NEURL1: variants seen among roughly 807,000 people sequenced by gnomAD.
The protein encoded by NEURL1 is E3 ubiquitin-protein ligase NEURL1.
NEURL1 carries 26 observed loss-of-function variants against 41.2 expected under a neutral mutation model. The ratio of observed to expected loss-of-function variants is 0.63; its 90% CI spans 0.46 to 0.87. The LOEUF is 0.87. Among genes scored for constraint, NEURL1 ranks in the 40% least tolerant of loss-of-function variants. The pLI is 0.00. For synonymous variants in NEURL1, 400 were observed against 402.3 expected (o/e 0.99, Z 0.07); for missense variants, 761 against 871.1 (o/e 0.87, Z 1.59).
intron 1 of NEURL1, among the ~76,000 whole-genome samples, chr10:103,552,190 C>G (rs1400104031): frequency 1.3e-5 from 2 of 152,102 alleles, no homozygotes; most frequent in Non-Finnish European, 2.9e-5. Flanking sequence ...CCTCCCTCAC[C>G]CTTCACAACC....
chr10:103,560,971 G>GA (rs2133872507), intron 1 of NEURL1, among the ~76,000 whole-genome samples: 1 of 152,342 alleles, frequency 6.6e-6, no homozygotes, highest in South Asian at 2.1e-4. Flanking sequence ...TGTGGCTCAG[G>GA]AATCTCTGCA....
At chr10:103,527,102 A>G (rs920184975) in intron 1 of NEURL1, among the ~76,000 whole-genome samples, 8 of 152,102 alleles carry the variant, frequency 5.3e-5, no homozygotes, top group Non-Finnish European at 7.3e-5. Context: ...AGGGGCAGAC[A>G]ATGCCTGGAA....
chr10:103,584,825 G>A lies in NEURL1; in HGVS notation c.939G>A (p.Val313=), dbSNP rs766178822. ...AHVRILDEQT[V]ARVEHGRDER... is the part of the protein sequence containing the mutation. Reference sequence around the variant, plus strand: ...TCCGCATCCTCGACGAGCAGACGGTGGCGCGCGTGGAGCACGGGCGCGACG... The same window carrying A: ...TCCGCATCCTCGACGAGCAGACGGTAGCGCGCGTGGAGCACGGGCGCGACG... The change falls in exon 4 of 6, where the codon GTG becomes GTA. Residue 313 remains valine, a synonymous_variant. Coordinates refer to ENST00000369780, the MANE Select transcript of NEURL1 (RefSeq NM_004210.5). 7.1e-7 allele frequency: 1 copy of A among 1,415,722 alleles called. No homozygotes were observed. Among genetic ancestry groups the A allele is most frequent in the Non-Finnish European group, 9.2e-7 (1 of 1,092,586 alleles). 87.7% of individuals were successfully genotyped at this position (1,415,722 alleles called of 1,614,324 possible).
chr10:103,503,959 TTTTATTTATTTATTTATTTA>T (rs56135179), intron 1 of NEURL1, among the ~76,000 whole-genome samples: 16 of 136,042 alleles, frequency 1.2e-4, no homozygotes, highest in Admixed American at 3.7e-4. Flanking sequence ...CTGGCTAGTA[TTTTATTTATTTATTTATTTA>T]TTTATTTATT....
At chr10:103,501,497 A>C (rs1025799248) in intron 1 of NEURL1, among the ~76,000 whole-genome samples, 2 of 152,130 alleles carry the variant, frequency 1.3e-5, no homozygotes, top group Non-Finnish European at 2.9e-5. Flanking sequence ...GGAAAAAAAA[A>C]CAACAAAAAC....
intron 1 of NEURL1, among the ~76,000 whole-genome samples, chr10:103,549,524 C>G (rs2034991494): frequency 6.6e-6 from 1 of 152,212 alleles, no homozygotes; most frequent in Non-Finnish European, 1.5e-5. Flanking sequence ...GCTGGGGTTC[C>G]CTGCTTCCTA....
chr10:103,530,603 C>T (rs554194264), intron 1 of NEURL1, among the ~76,000 whole-genome samples: 19 of 151,030 alleles, frequency 1.3e-4, no homozygotes, highest in Middle Eastern at 6.8e-3. Context: ...TGCAGTGGCA[C>T]GATTTGGGCT....
intron 1 of NEURL1, among the ~76,000 whole-genome samples, chr10:103,501,015 G>T (rs535588655): frequency 3.3e-5 from 5 of 152,290 alleles, no homozygotes; most frequent in African/African-American, 1.2e-4. Flanking sequence ...CTAGAAAGGT[G>T]TCTTGGTGAG....
chr10:103,571,437 G>A, intron 2 of NEURL1, 64 bp from the exon 3 acceptor site: 1 of 1,495,396 alleles, frequency 6.7e-7, no homozygotes, highest in Non-Finnish European at 9.0e-7. Context: ...ACCGCAGGGA[G>A]GCTGCCCTTG....
chr10:103,555,984 G>GTGCACCTGTGCCGGCTTGTGCCTAA (rs1214497896), intron 1 of NEURL1, among the ~76,000 whole-genome samples: 3 of 152,246 alleles, frequency 2.0e-5, no homozygotes, highest in Non-Finnish European at 4.4e-5. Flanking sequence ...GCCCGTGGGT[G>GTGCACCTGTGCCGGCTTGTGCCTAA]TGCACCTGTG....
At chr10:103,547,250 G>A (rs997607839) in intron 1 of NEURL1, among the ~76,000 whole-genome samples, 7 of 152,248 alleles carry the variant, frequency 4.6e-5, no homozygotes, top group African/African-American at 1.7e-4. Context: ...AGCCCCTAGT[G>A]TAGACAACAC....
chr10:103,557,359 TGGGC>T (rs2035178419), intron 1 of NEURL1, among the ~76,000 whole-genome samples: 1 of 152,022 alleles, frequency 6.6e-6, no homozygotes, highest in Non-Finnish European at 1.5e-5. Context: ...AAAGGCAACC[TGGGC>T]CCAAGGTCAT....
At chr10:103,578,857 C>T (rs967188211) in intron 3 of NEURL1, among the ~76,000 whole-genome samples, 2 of 152,218 alleles carry the variant, frequency 1.3e-5, no homozygotes, top group Non-Finnish European at 2.9e-5. Flanking sequence ...TCCCATGCCC[C>T]GTGCCAGATG....
At chr10:103,555,764 T>G (rs759633585) in intron 1 of NEURL1, among the ~76,000 whole-genome samples, 1 of 152,188 alleles carries the variant, frequency 6.6e-6, no homozygotes, top group Non-Finnish European at 1.5e-5. Flanking sequence ...CCAAGTGGGA[T>G]GCGAGGTCCT....
chr10:103,495,139 C>T (rs543670333), intron 1 of NEURL1, among the ~76,000 whole-genome samples: 54 of 152,350 alleles, frequency 3.5e-4, no homozygotes, highest in Non-Finnish European at 6.5e-4. Flanking sequence ...ATCCACTCAG[C>T]ACCCTCAGGG....
intron 1 of NEURL1, among the ~76,000 whole-genome samples, chr10:103,567,398 T>C (rs28615779): frequency 6.6e-6 from 1 of 152,144 alleles, no homozygotes; most frequent in Non-Finnish European, 1.5e-5. Context: ...TGCCTTTTAA[T>C]TTTTTTGAGA....
intron 1 of NEURL1, among the ~76,000 whole-genome samples, chr10:103,569,307 C>T (rs772144790): frequency 1.1e-4 from 17 of 152,220 alleles, no homozygotes; most frequent in South Asian, 2.1e-4. Context: ...TTATTCATAT[C>T]GGTAGTTCAT....
At chr10:103,523,127 C>G (rs1003344221) in intron 1 of NEURL1, among the ~76,000 whole-genome samples, 2 of 151,944 alleles carry the variant, frequency 1.3e-5, no homozygotes, top group Non-Finnish European at 2.9e-5. Flanking sequence ...TTTCTTTGTG[C>G]TGGGAACATT....
chr10:103,518,252 A>G (rs2034262653), intron 1 of NEURL1, among the ~76,000 whole-genome samples: 1 of 152,088 alleles, frequency 6.6e-6, no homozygotes, highest in Admixed American at 6.6e-5. Context: ...AGTCTACTAT[A>G]TTATTAAAAG....
Sources: gnomAD v4.1 joint callset for allele counts (sites outside exome capture counted in the v4.1 genomes callset) on GRCh38, gnomAD v4.1.1 for gene constraint, MANE v1.5 for transcripts, NCBI Gene and HGNC (gene_info 2026-07-23, HGNC 2026-07-21) for gene names.